The following DENND1A variants were observed in gnomAD, a reference collection of about 807,000 sequenced individuals.
DENND1A encodes DENN domain-containing protein 1A.
A neutral mutation model predicts 113.7 loss-of-function variants in DENND1A; 51 were observed. That is an observed-to-expected ratio of 0.45 (90% CI 0.36 to 0.57). The LOEUF is 0.57. Ranked by LOEUF, DENND1A falls within the 20% of genes least tolerant of loss-of-function variation. The probability of loss-of-function intolerance (pLI) is 0.00; values close to 1 mark genes in which losing one functional copy is unlikely to be tolerated. For missense variants in DENND1A, 1,258 were observed against 1,395.9 expected, an observed-to-expected ratio of 0.90 and a Z score of 1.57; for synonymous variants, 565 against 570.8, an observed-to-expected ratio of 0.99 and a Z score of 0.14.
intron 6 of DENND1A, among the ~76,000 whole-genome samples, chr9:123,673,941 A>G (rs546524041): frequency 1.4e-4 from 21 of 151,278 alleles, no homozygotes; most frequent in African/African-American, 4.6e-4. Context: ...CCTCCCCAAC[A>G]CTGACATCCA....
chr9:123,587,229 T>C (rs1009780368), intron 11 of DENND1A, among the ~76,000 whole-genome samples: 4 of 152,156 alleles, frequency 2.6e-5, no homozygotes, highest in African/African-American at 9.7e-5. Context: ...TAACATAGCA[T>C]TTGTATGTAG....
At chr9:123,557,322 C>A (rs901157636) in intron 13 of DENND1A, among the ~76,000 whole-genome samples, 2 of 152,150 alleles carry the variant, frequency 1.3e-5, no homozygotes, top group Non-Finnish European at 2.9e-5. Context: ...GCGGTTGGGG[C>A]TTACTGTCTA....
intron 13 of DENND1A, among the ~76,000 whole-genome samples, chr9:123,523,323 G>A (rs939754728): frequency 2.6e-5 from 4 of 152,136 alleles, no homozygotes; most frequent in African/African-American, 9.7e-5. Context: ...CTCATCTTGT[G>A]GAGGCCTGCC....
chr9:123,677,616 T>C (rs1425794628), intron 5 of DENND1A, among the ~76,000 whole-genome samples: 1 of 152,142 alleles, frequency 6.6e-6, no homozygotes, highest in African/African-American at 2.4e-5. Flanking sequence ...GTATTTTTAA[T>C]AGAGACGGGG....
chr9:123,406,350 C>G (rs1411655806), intron 20 of DENND1A, among the ~76,000 whole-genome samples: 1 of 152,234 alleles, frequency 6.6e-6, no homozygotes, highest in Non-Finnish European at 1.5e-5. Flanking sequence ...AAAGTCCCCC[C>G]AAGGGGTCTG....
intron 5 of DENND1A, among the ~76,000 whole-genome samples, chr9:123,680,969 C>A (rs1564937625): frequency 6.6e-6 from 1 of 152,068 alleles, no homozygotes; most frequent in Non-Finnish European, 1.5e-5. Context: ...GGAAGCTGTC[C>A]TCCCGAAGGG....
chr9:123,414,131 C>T lies in DENND1A; in HGVS notation c.1489-2302G>A, dbSNP rs1051933768. 1.4e-5 allele frequency: 14 copies of T among 1,000,730 alleles called. No individual in the cohort carries two copies. The African/African-American group carries it at 2.3e-4, about 16-fold the overall frequency. The allele number at this position is 1,000,730 out of a possible 1,614,324, so 62.0% of individuals were successfully genotyped here. A position where few individuals can be genotyped will look rare whatever the true frequency, so the allele number is the denominator to read the frequency against. ...AGGGGTCAGACAGTTTTGGAGAGAA[C>T]CCCAGTTCTCCCATTTACTCCCTGG... is the stretch of plus-strand genomic sequence containing the variant. On this transcript the variant is annotated intron_variant, in intron 19 of 23. Transcript: ENST00000394215.
At chr9:123,436,495 T>A (rs992604159) in intron 19 of DENND1A, among the ~76,000 whole-genome samples, 7 of 152,254 alleles carry the variant, frequency 4.6e-5, no homozygotes, top group Non-Finnish European at 1.0e-4. Context: ...GACTGTCCCC[T>A]GGGCTTTGTT....
At chr9:123,549,881 T>A (rs958984690) in intron 13 of DENND1A, among the ~76,000 whole-genome samples, 2 of 152,234 alleles carry the variant, frequency 1.3e-5, no homozygotes, top group Non-Finnish European at 2.9e-5. Flanking sequence ...GGTGCTGTTT[T>A]GATTTTACTA....
intron 6 of DENND1A, among the ~76,000 whole-genome samples, chr9:123,673,317 T>C (rs1239978071): frequency 6.6e-6 from 1 of 152,248 alleles, no homozygotes; most frequent in African/African-American, 2.4e-5. Context: ...TTTCCTGTTT[T>C]ATTCAGTGTG....
At chr9:123,753,430 C>T (rs1225780202) in intron 5 of DENND1A, among the ~76,000 whole-genome samples, 1 of 152,222 alleles carries the variant, frequency 6.6e-6, no homozygotes, top group African/African-American at 2.4e-5. Flanking sequence ...GATGGCTTAA[C>T]CCTTCATGGA....
chr9:123,580,241 G>A (rs762118065), intron 12 of DENND1A, among the ~76,000 whole-genome samples: 13 of 152,110 alleles, frequency 8.5e-5, no homozygotes, highest in Non-Finnish European at 1.8e-4. Flanking sequence ...AGTTACTTTG[G>A]TTCCCTGAGG....
intron 13 of DENND1A, among the ~76,000 whole-genome samples, chr9:123,544,355 A>G (rs1314364439): frequency 6.6e-6 from 1 of 152,244 alleles, no homozygotes; most frequent in African/African-American, 2.4e-5. Flanking sequence ...TTTTGACATT[A>G]CCCCTTGCAA....
chr9:123,636,697 CTTTTTTT>C (rs112301152), intron 9 of DENND1A, among the ~76,000 whole-genome samples: 2 of 119,656 alleles, frequency 1.7e-5, no homozygotes, highest in Non-Finnish European at 3.4e-5. Flanking sequence ...GATTACCAGA[CTTTTTTT>C]TTTTTTTTTT....
intron 19 of DENND1A, among the ~76,000 whole-genome samples, chr9:123,420,663 A>G (rs968740842): frequency 6.6e-6 from 1 of 152,044 alleles, no homozygotes; most frequent in Non-Finnish European, 1.5e-5. Flanking sequence ...TGTTGACAGG[A>G]GTAGTATTTT....
chr9:123,725,646 C>T (rs900938607), intron 5 of DENND1A, among the ~76,000 whole-genome samples: 1 of 152,254 alleles, frequency 6.6e-6, no homozygotes, highest in African/African-American at 2.4e-5. Context: ...CTCTGCCCAG[C>T]AGCAGGAGGG....
intron 13 of DENND1A, among the ~76,000 whole-genome samples, chr9:123,489,308 C>T (rs745620001): frequency 1.2e-4 from 18 of 152,314 alleles, no homozygotes; most frequent in African/African-American, 3.4e-4. Flanking sequence ...CCGTGTGAGC[C>T]GCTAGCACAG....
intron 5 of DENND1A, among the ~76,000 whole-genome samples, chr9:123,730,770 G>A (rs2068102088): frequency 6.6e-6 from 1 of 152,140 alleles, no homozygotes; most frequent in Admixed American, 6.5e-5. Context: ...ATACCCAAAG[G>A]ATTATAAATC....
At chr9:123,867,884 T>A (rs1311851505) in intron 2 of DENND1A, among the ~76,000 whole-genome samples, 3 of 152,232 alleles carry the variant, frequency 2.0e-5, no homozygotes, top group Non-Finnish European at 4.4e-5. Context: ...TATTTGGGTG[T>A]TAAACTGATG....
Sources: allele counts gnomAD v4.1 joint callset (sites outside exome capture counted in the v4.1 genomes callset), GRCh38; gene constraint gnomAD v4.1.1; transcripts MANE v1.5; gene names NCBI Gene and HGNC (gene_info 2026-07-23, HGNC 2026-07-21).